The following GLT8D1 variants were observed in gnomAD, a reference collection of about 807,000 sequenced individuals.
GLT8D1 encodes the protein glycosyltransferase 8 domain-containing protein 1.
In GLT8D1, 41 loss-of-function variants were observed where a neutral mutation model predicts 46.2. That is an observed-to-expected ratio of 0.89 (90% CI 0.69 to 1.15). The LOEUF (loss-of-function observed/expected upper bound fraction) is 1.15. Among genes scored for constraint, GLT8D1 ranks in the 50% most tolerant of loss-of-function variants. The pLI is 0.00. For missense variants in GLT8D1, 408 were observed against 449.3 expected (o/e 0.91, Z 0.83); for synonymous variants, 150 against 154.2 (o/e 0.97, Z 0.20).
chr3:52,703,011 C>G (rs2031989570), intron 1 of GLT8D1: 1 of 150,998 alleles, frequency 6.6e-6, no homozygotes, highest in Admixed American at 6.6e-5. Flanking sequence ...CTCCTGACCT[C>G]AGGTGATCCA....
chr3:52,697,952 G>A lies in GLT8D1; in HGVS notation c.116-18C>T. ...TCCTGAATCTGAAAACACAAGGAAG[G>A]CACTGTGATTACAATCTCATGGGCT... On this transcript the variant is annotated intron_variant, in intron 3 of 9. Coordinates refer to ENST00000266014, the MANE Select transcript of GLT8D1 (RefSeq NM_018446.4). The A allele has an allele frequency of 2.7e-6, 4 of 1,476,812 alleles. No individual in the cohort carries two copies. The highest frequency in any genetic ancestry group is 3.8e-6 in the Non-Finnish European group (4 of 1,054,850). 91.5% of individuals were successfully genotyped at this position (1,476,812 alleles called of 1,614,324 possible). A position where few individuals can be genotyped will look rare whatever the true frequency, so the allele number is the denominator to read the frequency against.
In GLT8D1 at chr3:52,694,966, T is replaced by C. The variant is rs758721529; in HGVS notation, c.995A>G (p.His332Arg). 5 of 1,611,288 alleles carry C rather than the reference T, an allele frequency of 3.1e-6. No homozygotes were observed. Among genetic ancestry groups the C allele is most frequent in the African/African-American group, 2.7e-5 (2 of 74,872 alleles). ...AGCAGTCCTTCCCCATGGCTTCAAA[T>C]GTCCATTCCAATGGAGTAACTTGGC... is the stretch of plus-strand genomic sequence containing the variant. ...KAAKLLHWNG[H>R]LKPWGRTASY... The change falls in exon 10 of 10, where the codon CAT becomes CGT. Residue 332 changes from histidine to arginine, a missense_variant. His to Arg is a conservative substitution (Grantham distance 29). Transcript: ENST00000266014.
rs773435276 is a variant in GLT8D1, at chr3:52,700,341, G to A, written c.36C>T (p.Val12=). The A allele has an allele frequency of 1.2e-6, 2 of 1,613,160 alleles. No homozygotes were observed. The highest frequency in any genetic ancestry group is 1.7e-6 in the Non-Finnish European group (2 of 1,179,216). The part of the protein sequence containing the change: ...SFRKVNIIIL[V]LAVALFLLVL... Reference sequence around the variant, plus strand: ...CCAGTAAGAAGAGAGCAACAGCCAGGACCAAGATGATGATGTTTACTGAAA... The same window carrying A: ...CCAGTAAGAAGAGAGCAACAGCCAGAACCAAGATGATGATGTTTACTGAAA... The change falls in exon 3 of 10, where the codon GTC becomes GTT. Residue 12 remains valine (V), a synonymous_variant. Transcript: ENST00000266014.
intron 1 of GLT8D1, among the ~76,000 whole-genome samples, chr3:52,700,916 T>A (rs1012359504): frequency 6.6e-6 from 1 of 151,710 alleles, no homozygotes; most frequent in Non-Finnish European, 1.5e-5. Flanking sequence ...TGCAAAAAAA[T>A]TAGCCAGGTG....
At chr3:52,700,071 A>C (rs541867544) in intron 3 of GLT8D1, among the ~76,000 whole-genome samples, 191 bp downstream of exon 3, 2 of 152,336 alleles carry the variant, frequency 1.3e-5, no homozygotes, top group East Asian at 3.9e-4. Flanking sequence ...TCCTGCTGAC[A>C]TGTGAACAGA....
chr3:52,695,174 G>C lies in GLT8D1; in HGVS notation c.925+16C>G, dbSNP rs1443795029. ...CAATTCTTTACTAGCTTATGCCACT[G>C]GTTAATTCTACTTACCAAGGTGGCG... On this transcript the variant is annotated intron_variant, in intron 9 of 9. Transcript: ENST00000266014. 6.4e-7 allele frequency: 1 copy of C among 1,559,600 alleles called. No individual in the cohort carries two copies. Among genetic ancestry groups the C allele is most frequent in the East Asian group, 2.2e-5 (1 of 44,632 alleles).
intron 3 of GLT8D1, 125 bp from the exon 4 acceptor site, chr3:52,698,059 AAGCATAT>A: frequency 1.5e-6 from 1 of 666,058 alleles, no homozygotes; most frequent in East Asian, 2.7e-5. Context: ...CATTAAACTG[AAGCATAT>A]AGCCCTGAAA....
At position 52,700,477 on chromosome 3, in the gene GLT8D1, A is replaced by G. The variant is rs771383214; in HGVS notation, c.-17T>C. ...GAATGACATCTTTTTCTTCTGTCAT[A>G]TAAATATTAGTTTTTAACCCTACAA... On this transcript the variant is annotated 5_prime_UTR_variant, in exon 2 of 10. Coordinates refer to ENST00000266014, the MANE Select transcript of GLT8D1 (RefSeq NM_018446.4). The G allele has an allele frequency of 1.3e-6, 2 of 1,574,712 alleles. No individual in the cohort carries two copies. Among genetic ancestry groups the G allele is most frequent in the East Asian group, 2.2e-5 (1 of 44,566 alleles).
At chr3:52,699,638 C>T (rs570697377) in intron 3 of GLT8D1, among the ~76,000 whole-genome samples, 3 of 152,222 alleles carry the variant, frequency 2.0e-5, no homozygotes, top group Non-Finnish European at 2.9e-5. Context: ...TGCTCCCGGC[C>T]GCTGTTCTCT....
chr3:52,704,458 C>CAAAAA (rs60851820), intron 1 of GLT8D1, among the ~76,000 whole-genome samples: 2 of 53,580 alleles, frequency 3.7e-5, no homozygotes, highest in Admixed American at 2.5e-4. Flanking sequence ...GTCTTCGCCT[C>CAAAAA]AAAAAAAAAA....
chr3:52,700,579 T>A lies in GLT8D1; in HGVS notation c.-36-83A>T, dbSNP rs895335650. ...TGCCCTAACACTTTTTTTTTTTTTT[T>A]AATTCAGGAAGAAACAAGAGGCATA... On this transcript the variant is annotated intron_variant, in intron 1 of 9. Transcript: ENST00000266014. The A allele has an allele frequency of 2.6e-4, 154 of 598,644 alleles. 1 individual carries two copies. The highest frequency in any genetic ancestry group is 1.7e-4 in the Admixed American group (6 of 35,806). 37.1% of individuals were successfully genotyped at this position (598,644 alleles called of 1,614,324 possible).
intron 4 of GLT8D1, among the ~76,000 whole-genome samples, chr3:52,696,908 C>T (rs948541998): frequency 2.2e-5 from 1 of 46,436 alleles, no homozygotes; most frequent in South Asian, 3.8e-4. Flanking sequence ...CATTTCATCA[C>T]CACCTGGACT....
Position 52,694,670 on chromosome 3 carries a change from AGTCT to A in GLT8D1, c.*171_*174del. On this transcript the variant is annotated 3_prime_UTR_variant, in exon 10 of 10. Coordinates refer to ENST00000266014, the MANE Select transcript of GLT8D1 (RefSeq NM_018446.4). ...AGATGGAGACATATTTATAGTCTATAGTCTGTCTGGGAAGCTGACTGCCAGACAG... is the reference window on the plus strand; with the variant it reads ...AGATGGAGACATATTTATAGTCTATAGTCTGGGAAGCTGACTGCCAGACAG... The A allele has an allele frequency of 1.5e-6, 1 of 657,276 alleles. No individual in the cohort carries two copies. The highest frequency in any genetic ancestry group is 2.8e-6 in the Non-Finnish European group (1 of 361,928). 40.7% of individuals were successfully genotyped at this position (657,276 alleles called of 1,614,324 possible).
chr3:52,694,700 G>A lies in GLT8D1; in HGVS notation c.*145C>T. 1.4e-6 allele frequency: 1 copy of A among 690,084 alleles called. No individual in the cohort carries two copies. The highest frequency in any genetic ancestry group is 2.6e-6 in the Non-Finnish European group (1 of 378,372). The allele number at this position is 690,084 out of a possible 1,614,324, so 42.7% of individuals were successfully genotyped here. A position where few individuals can be genotyped will look rare whatever the true frequency, so the allele number is the denominator to read the frequency against. ...GTCTGGGAAGCTGACTGCCAGACAGGGCAGTTTGTCATCTTTACCTAGCTG... is the reference window on the plus strand; with the variant it reads ...GTCTGGGAAGCTGACTGCCAGACAGAGCAGTTTGTCATCTTTACCTAGCTG... On this transcript the variant is annotated 3_prime_UTR_variant, in exon 10 of 10. Coordinates refer to ENST00000266014, the MANE Select transcript of GLT8D1 (RefSeq NM_018446.4).
At chr3:52,699,527 C>T (rs1401964985) in intron 3 of GLT8D1, among the ~76,000 whole-genome samples, 1 of 152,136 alleles carries the variant, frequency 6.6e-6, no homozygotes, top group African/African-American at 2.4e-5. Context: ...TCGTGATCTG[C>T]CCACCTCAGC....
chr3:52,697,517 A>C (rs1259142441), intron 4 of GLT8D1: 6 of 574,066 alleles, frequency 1.0e-5, no homozygotes, highest in Non-Finnish European at 1.6e-5. Flanking sequence ...ACTTCCTGGC[A>C]TGAGCTCCTT....
Position 52,700,207 on chromosome 3 carries a change from G to A in GLT8D1, c.115+55C>T, listed in dbSNP as rs1006343137. 5.6e-6 allele frequency: 6 copies of A among 1,075,964 alleles called. No homozygotes were observed. The African/African-American group carries it at 6.3e-5, about 11-fold the overall frequency. 66.7% of individuals were successfully genotyped at this position (1,075,964 alleles called of 1,614,324 possible). A position where few individuals can be genotyped will look rare whatever the true frequency, so the allele number is the denominator to read the frequency against. ...AGAACAACTTAGGATGTGTGACACA[G>A]AGAATACCAGGTCCGCAACAGATTC... On this transcript the variant is annotated intron_variant, in intron 3 of 9. Coordinates refer to ENST00000266014, the MANE Select transcript of GLT8D1 (RefSeq NM_018446.4).
chr3:52,695,457 G>GTT lies in GLT8D1; in HGVS notation c.774_775dup (p.Thr259LysfsTer9). 2 of 1,613,908 alleles carry GTT rather than the reference G, an allele frequency of 1.2e-6. No homozygotes were observed. Among genetic ancestry groups the GTT allele is most frequent in the Non-Finnish European group, 1.7e-6 (2 of 1,179,814 alleles). ...TTTCATCCATTTTTCCAGTTGGTTA[G>GTT]TTATATTCTGTCGTTTCCATTCCGT... On this transcript the variant is annotated frameshift_variant, in exon 8 of 10. Transcript: ENST00000266014. LOFTEE classifies it high-confidence loss of function.
rs749380855 is a variant in GLT8D1, at chr3:52,700,247, T to G, written c.115+15A>C. 10 of 1,531,782 alleles carry G rather than the reference T, an allele frequency of 6.5e-6. No individual in the cohort carries two copies. In the Admixed American group the frequency reaches 1.1e-4, roughly 16 times the overall value. The allele number at this position is 1,531,782 out of a possible 1,614,324, so 94.9% of individuals were successfully genotyped here. On this transcript the variant is annotated intron_variant, in intron 3 of 9. Coordinates refer to ENST00000266014, the MANE Select transcript of GLT8D1 (RefSeq NM_018446.4). The stretch of plus-strand genomic sequence containing the variant: ...GCAACAGATTCTAAGGCATTATTAA[T>G]AAGTGCTCGCATACCTGTAACCTCA...
Sources: allele counts gnomAD v4.1 joint callset (sites outside exome capture counted in the v4.1 genomes callset), GRCh38; gene constraint gnomAD v4.1.1; transcripts MANE v1.5; gene names NCBI Gene and HGNC (gene_info 2026-07-23, HGNC 2026-07-21).